SYCP2: variants seen among roughly 807,000 people sequenced by gnomAD.
The protein encoded by SYCP2 is synaptonemal complex lateral element protein.
Under a neutral mutation model 211.3 loss-of-function variants are expected in SYCP2, and 55 were observed. The ratio of observed to expected loss-of-function variants is 0.26; its 90% confidence interval spans 0.21 to 0.33. The LOEUF is 0.33. Ranked by LOEUF, SYCP2 falls within the 10% of genes least tolerant of loss-of-function variation. SYCP2 has a pLI of 1.00. For missense variants in SYCP2, 1,731 were observed against 1,752.0 expected, an observed-to-expected ratio of 0.99 and a Z score of 0.21; for synonymous variants, 570 against 555.2, an observed-to-expected ratio of 1.03 and a Z score of -0.37.
Position 59,900,764 on chromosome 20 carries a change from A to G in SYCP2, c.1237T>C (p.Phe413Leu). The part of the protein sequence containing the change: ...SVAKTSLHIL[F>L]DASGSQILVP... ...CATACCTGTGATCCACTTGCGTCAAAAAGTATATGCAGCGACGTTTTGGCA... is the reference window on the plus strand; with the variant it reads ...CATACCTGTGATCCACTTGCGTCAAGAAGTATATGCAGCGACGTTTTGGCA... Residue 413 changes from phenylalanine to leucine, a missense_variant, in exon 17 of 45, where the codon TTT (phenylalanine) becomes CTT (leucine). Phe to Leu is a conservative substitution (Grantham distance 22, BLOSUM62 0). Around this residue, in one of 3 missense-constraint regions of SYCP2, gnomAD observed 1,387 missense variants for 1,351.3 expected, o/e 1.03. Transcript: ENST00000357552. 6.2e-7 allele frequency: 1 copy of G among 1,612,880 alleles called. No homozygotes were observed. Among genetic ancestry groups the G allele is most frequent in the Non-Finnish European group, 8.5e-7 (1 of 1,179,256 alleles).
In SYCP2 at chr20:59,899,312, G is replaced by A. The variant is rs1348359559; in HGVS notation, c.1404+826C>T. Among the ~76,000 whole-genome samples, 10 of 152,292 alleles carry A rather than the reference G, an allele frequency of 6.6e-5. No individual in the cohort carries two copies. In the South Asian group the frequency reaches 1.9e-3, roughly 28 times the overall value. On this transcript the variant is annotated intron_variant, in intron 18 of 44. Coordinates refer to ENST00000357552, the MANE Select transcript of SYCP2 (RefSeq NM_014258.4). ...CAGTAGTATTACTGAAATACAGACA[G>A]ATGCAGATTTTAGTCAAAAGATAAA...
At chr20:59,864,457 GA>G (rs376056840) in intron 44 of SYCP2, 69 bp from the exon 45 acceptor site, 30,886 of 812,698 alleles carry the variant, frequency 0.038, 467 homozygotes, top group African/African-American at 0.11. Flanking sequence ...AAATAAAATA[GA>G]AAAAAAAAAA....
At chr20:59,874,392 A>G (rs2059513848) in intron 34 of SYCP2, among the ~76,000 whole-genome samples, 1 of 152,132 alleles carries the variant, frequency 6.6e-6, no homozygotes, top group South Asian at 2.1e-4. Flanking sequence ...ATTGTGTTAT[A>G]TATACACATC....
intron 24 of SYCP2, among the ~76,000 whole-genome samples, chr20:59,888,600 A>G (rs1338861990): frequency 2.0e-5 from 3 of 152,120 alleles, no homozygotes; most frequent in African/African-American, 7.2e-5. Flanking sequence ...CAAAGCAAAA[A>G]TGTCCCCTCT....
At chr20:59,880,553 AACAAC>A in intron 30 of SYCP2, 82 bp from the exon 31 acceptor site, 1 of 781,266 alleles carries the variant, frequency 1.3e-6, no homozygotes, top group Non-Finnish European at 1.9e-6. Context: ...AAACAACAAC[AACAAC>A]AAAAAAAAAC....
rs1364744072 is a variant in SYCP2 at position 59,930,984 on chromosome 20, A to T, written c.-47+1078T>A. Among the ~76,000 whole-genome samples, 3 of 152,232 alleles carry T rather than the reference A, an allele frequency of 2.0e-5. No individual in the cohort carries two copies. In the East Asian group the frequency reaches 5.8e-4, roughly 29 times the overall value. ...AAGTCTTCATTATAACATGATTTTT[A>T]AAATAAAAATGAACTATATATAGTA... On this transcript the variant is annotated intron_variant, in intron 2 of 44. Transcript: ENST00000357552.
chr20:59,881,729 T>C (rs2059686377), intron 28 of SYCP2, among the ~76,000 whole-genome samples: 1 of 150,454 alleles, frequency 6.6e-6, no homozygotes, highest in African/African-American at 2.4e-5. Flanking sequence ...ACCCCACAAT[T>C]GCTTGTTTTT....
intron 10 of SYCP2, among the ~76,000 whole-genome samples, chr20:59,914,960 C>G (rs1287205871): frequency 6.6e-6 from 1 of 151,910 alleles, no homozygotes; most frequent in African/African-American, 2.4e-5. Context: ...CCATTAGGCA[C>G]AAATTGTATG....
In SYCP2 at chr20:59,875,300, C is replaced by A. The variant is rs867698010; in HGVS notation, c.3320G>T (p.Gly1107Val). 1.2e-6 allele frequency: 2 copies of A among 1,608,542 alleles called. No homozygotes were observed. The highest frequency in any genetic ancestry group is 2.2e-5 in the East Asian group (1 of 44,622). The stretch of plus-strand genomic sequence containing the variant: ...CGTTACTTCTATAGATGATGGACTG[C>A]CAGATAAAGATCTGGGAGATAAGTC... ...CLDLSPRSLS[G>V]SPSSIEVTRC... The change falls in exon 34 of 45, where the codon GGC becomes GTC. Residue 1107 changes from glycine (G) to valine (V), a missense_variant. Gly to Val is a moderately radical substitution (Grantham distance 109). Transcript: ENST00000357552.
At chr20:59,884,180 C>G (rs992894513) in intron 26 of SYCP2, among the ~76,000 whole-genome samples, 1 of 152,010 alleles carries the variant, frequency 6.6e-6, no homozygotes, top group South Asian at 2.1e-4. Flanking sequence ...ACAAACCAAG[C>G]ATGCTTTTCC....
Position 59,922,380 on chromosome 20 carries a change from G to A in SYCP2, c.24+10C>T, listed in dbSNP as rs1315656283. On this transcript the variant is annotated intron_variant, in intron 3 of 44. Coordinates refer to ENST00000357552, the MANE Select transcript of SYCP2 (RefSeq NM_014258.4). ...ATGAAAATACTTACTTTTGGTCTAG[G>A]ACTACATACCTGGAGATCTGGTCTT... The A allele has an allele frequency of 2.1e-5, 33 of 1,566,872 alleles. No individual in the cohort carries two copies. Among genetic ancestry groups the A allele is most frequent in the Non-Finnish European group, 2.8e-5 (32 of 1,163,284 alleles).
intron 26 of SYCP2, chr20:59,884,969 T>A (rs2059757945): frequency 6.6e-6 from 1 of 152,008 alleles, no homozygotes; most frequent in Non-Finnish European, 1.5e-5. Flanking sequence ...TCAGGGCATC[T>A]TGGAAAGTTT....
At chr20:59,923,495 T>A (rs1160966023) in intron 2 of SYCP2, among the ~76,000 whole-genome samples, 1 of 150,422 alleles carries the variant, frequency 6.6e-6, no homozygotes, top group East Asian at 1.9e-4. Flanking sequence ...TTATGGGAAT[T>A]TTTTTTTTAA....
At chr20:59,910,629 G>A (rs2060302267) in intron 14 of SYCP2, among the ~76,000 whole-genome samples, 4 of 151,580 alleles carry the variant, frequency 2.6e-5, no homozygotes, top group South Asian at 4.2e-4. Context: ...AGACCAAACT[G>A]AATAAAGGAA....
chr20:59,902,818 G>A (rs1054658509), intron 15 of SYCP2, among the ~76,000 whole-genome samples: 12 of 152,150 alleles, frequency 7.9e-5, no homozygotes, highest in African/African-American at 2.9e-4. Flanking sequence ...AAGAGCGCTA[G>A]TAGTTTTTTA....
At chr20:59,887,991 C>T (rs1568934031) in intron 24 of SYCP2, among the ~76,000 whole-genome samples, 1 of 152,034 alleles carries the variant, frequency 6.6e-6, no homozygotes, top group African/African-American at 2.4e-5. Context: ...GATCATCTGA[C>T]TAGGCCTATA....
At chr20:59,877,600 C>G in intron 32 of SYCP2, 45 bp from the exon 33 acceptor site, 1 of 1,484,706 alleles carries the variant, frequency 6.7e-7, no homozygotes, top group Non-Finnish European at 9.1e-7. Flanking sequence ...ATTTGAGGTA[C>G]AAGAAATACA....
At chr20:59,867,101 G>A (rs1310758883) in intron 39 of SYCP2, among the ~76,000 whole-genome samples, 1 of 42,958 alleles carries the variant, frequency 2.3e-5, no homozygotes, top group Non-Finnish European at 5.3e-5. Context: ...AGCAAGACTG[G>A]GGGCGGGGGG....
At chr20:59,889,505 A>G (rs2145719831) in intron 24 of SYCP2, among the ~76,000 whole-genome samples, 1 of 152,164 alleles carries the variant, frequency 6.6e-6, no homozygotes, top group South Asian at 2.1e-4. Flanking sequence ...TCCTGATTTT[A>G]TATTTACTTT....
Sources: gnomAD v4.1 joint callset for allele counts (sites outside exome capture counted in the v4.1 genomes callset) on GRCh38, gnomAD v4.1.1 for gene constraint, gnomAD v4.1.1 regional missense constraint, MANE v1.5 for transcripts, NCBI Gene and HGNC (gene_info 2026-07-23, HGNC 2026-07-21) for gene names.